Variants in RABGAP1 observed in about 807,000 individuals in gnomAD.
RABGAP1 encodes the protein rab GTPase-activating protein 1.
A neutral mutation model predicts 137.6 loss-of-function variants in RABGAP1; 23 were observed. The observed-to-expected ratio is 0.17, with a 90% confidence interval of 0.12 to 0.24. The LOEUF is 0.24. Among genes scored for constraint, RABGAP1 ranks in the 10% least tolerant of loss-of-function variants. The probability of loss-of-function intolerance (pLI) is 1.00; values close to 1 mark genes in which losing one functional copy is unlikely to be tolerated. For synonymous variants in RABGAP1, 451 were observed against 450.7 expected (o/e 1.00, Z -0.01); for missense variants, 906 against 1,275.8 (o/e 0.71, Z 4.42).
At chr9:122,991,211 G>T (rs905878988) in intron 6 of RABGAP1, among the ~76,000 whole-genome samples, 1 of 151,882 alleles carries the variant, frequency 6.6e-6, no homozygotes, top group Non-Finnish European at 1.5e-5. Flanking sequence ...AAATGAGGTG[G>T]CTAGACTCTA....
chr9:122,992,825 TAAATAATTATTATACCA>T (rs1836810125), intron 6 of RABGAP1, among the ~76,000 whole-genome samples: 1 of 150,038 alleles, frequency 6.7e-6, no homozygotes, highest in Non-Finnish European at 1.5e-5. Flanking sequence ...ATATTATACC[TAAATAATTATTATACCA>T]AAATAATTAT....
intron 10 of RABGAP1, among the ~76,000 whole-genome samples, chr9:123,009,919 T>C (rs1033915820): frequency 6.6e-6 from 1 of 152,206 alleles, no homozygotes; most frequent in African/African-American, 2.4e-5. Context: ...AGTCTTGAAG[T>C]TTATGTTTTA....
In RABGAP1 at chr9:123,029,507, A is replaced by G. The variant is rs1398412492; in HGVS notation, c.1794+9048A>G. The G allele has an allele frequency of 1.2e-5, 11 of 929,284 alleles. No homozygotes were observed. The Admixed American group carries it at 1.7e-4, about 14-fold the overall frequency. 57.6% of individuals were successfully genotyped at this position (929,284 alleles called of 1,614,324 possible). On this transcript the variant is annotated intron_variant, in intron 13 of 25. Transcript: ENST00000373647. Reference sequence around the variant, plus strand: ...GAGCTCCAGAAGGGCTGCCCTGGCCAGGGAACCTCAAATCTTCAGTCTCTT... The same window carrying G: ...GAGCTCCAGAAGGGCTGCCCTGGCCGGGGAACCTCAAATCTTCAGTCTCTT...
intron 10 of RABGAP1, among the ~76,000 whole-genome samples, chr9:123,008,199 T>C (rs1365075312): frequency 2.0e-5 from 3 of 152,160 alleles, no homozygotes; most frequent in East Asian, 1.9e-4. Context: ...CAGCGTGTCC[T>C]TTGGTCATTA....
intron 11 of RABGAP1, among the ~76,000 whole-genome samples, chr9:123,012,850 A>G (rs560997424): frequency 2.5e-4 from 38 of 152,250 alleles, no homozygotes; most frequent in Admixed American, 3.3e-4. Context: ...TAGCCATGCT[A>G]TCTTTTAATT....
At chr9:122,976,452 T>G (rs1374890023) in intron 2 of RABGAP1, among the ~76,000 whole-genome samples, 2 of 152,238 alleles carry the variant, frequency 1.3e-5, no homozygotes, top group Admixed American at 1.3e-4. Flanking sequence ...ATGTTAGCCC[T>G]TAATGACACT....
At chr9:123,033,684 G>A (rs954441742) in intron 13 of RABGAP1, 1 of 152,088 alleles carries the variant, frequency 6.6e-6, no homozygotes, top group African/African-American at 2.4e-5. Context: ...TGCTTTGCAA[G>A]GCTTTCTGCT....
intron 2 of RABGAP1, among the ~76,000 whole-genome samples, chr9:122,961,570 T>A (rs1172267214): frequency 1.3e-5 from 2 of 152,224 alleles, no homozygotes; most frequent in Non-Finnish European, 2.9e-5. Context: ...CATGATGATT[T>A]TAATCCACAT....
At chr9:123,049,652 AC>A (rs2033371227) in intron 13 of RABGAP1, among the ~76,000 whole-genome samples, 1 of 152,210 alleles carries the variant, frequency 6.6e-6, no homozygotes, top group South Asian at 2.1e-4. Flanking sequence ...GATGTTCATA[AC>A]ATTCAGGAGA....
intron 21 of RABGAP1, among the ~76,000 whole-genome samples, chr9:123,092,082 T>G (rs1291859381): frequency 6.6e-6 from 1 of 152,176 alleles, no homozygotes; most frequent in East Asian, 1.9e-4. Flanking sequence ...ATAGGAGCCT[T>G]TGTGTCCTAC....
At chr9:123,076,398 A>C (rs1345083847) in intron 18 of RABGAP1, 112 bp downstream of exon 18, 3 of 1,284,116 alleles carry the variant, frequency 2.3e-6, no homozygotes, top group African/African-American at 3.0e-5. Context: ...TACCCATGAC[A>C]GTGGATGTAT....
At chr9:123,092,025 T>C (rs767046935) in intron 21 of RABGAP1, among the ~76,000 whole-genome samples, 9 of 152,056 alleles carry the variant, frequency 5.9e-5, no homozygotes, top group African/African-American at 1.9e-4. Flanking sequence ...CCATGGGTCA[T>C]GCAGAAAGGA....
At chr9:122,988,519 T>C (rs1289535251) in intron 4 of RABGAP1, among the ~76,000 whole-genome samples, 1 of 147,114 alleles carries the variant, frequency 6.8e-6, no homozygotes, top group Non-Finnish European at 1.5e-5. Context: ...TTTTGAGGAG[T>C]TAACATTTTG....
chr9:123,034,705 A>G, intron 13 of RABGAP1: 5 of 1,613,656 alleles, frequency 3.1e-6, no homozygotes, highest in South Asian at 2.2e-5. Flanking sequence ...TTCTGGCAAC[A>G]TCATTGTGAT....
intron 2 of RABGAP1, among the ~76,000 whole-genome samples, chr9:122,975,780 C>T (rs554727134): frequency 2.0e-5 from 3 of 152,208 alleles, no homozygotes; most frequent in African/African-American, 4.8e-5. Context: ...CTGAAATATA[C>T]GTAAGTGCCC....
At chr9:123,074,630 G>A (rs1439576439) in intron 17 of RABGAP1, among the ~76,000 whole-genome samples, 4 of 152,180 alleles carry the variant, frequency 2.6e-5, no homozygotes, top group African/African-American at 9.7e-5. Context: ...CTGAAAAGAC[G>A]TACTGAATTA....
At chr9:122,936,529 C>T (rs116280365), upstream of RABGAP1, among the ~76,000 whole-genome samples, 446 of 152,326 alleles carry the variant, frequency 2.9e-3, 2 homozygotes, top group African/African-American at 0.01. Context: ...ATACCAGCTA[C>T]TCATGCAGTG....
intron 13 of RABGAP1, among the ~76,000 whole-genome samples, chr9:123,049,678 A>G (rs989044112): frequency 6.6e-6 from 1 of 152,220 alleles, no homozygotes. Context: ...TGAACTGTAT[A>G]CTGTCTAATT....
intron 2 of RABGAP1, among the ~76,000 whole-genome samples, chr9:122,972,381 C>T (rs899329028): frequency 5.3e-5 from 8 of 152,158 alleles, no homozygotes; most frequent in East Asian, 1.9e-4. Flanking sequence ...GCCAATCTTG[C>T]GCTCATACAG....
Sources: allele counts gnomAD v4.1 joint callset (sites outside exome capture counted in the v4.1 genomes callset), GRCh38; gene constraint gnomAD v4.1.1; transcripts MANE v1.5; gene names NCBI Gene and HGNC (gene_info 2026-07-23, HGNC 2026-07-21).